Variants in PRKD2 observed in about 807,000 individuals in gnomAD.
PRKD2 encodes protein kinase D2.
A neutral mutation model predicts 86.0 loss-of-function variants in PRKD2; 22 were observed. The ratio of observed to expected loss-of-function variants is 0.26; its 90% CI spans 0.18 to 0.37. The LOEUF (loss-of-function observed/expected upper bound fraction) is 0.37, where lower values mean the gene tolerates loss of function less well. Ranked by LOEUF, PRKD2 falls within the 10% of genes least tolerant of loss-of-function variation. The pLI is 1.00. For missense variants in PRKD2, 818 were observed against 1,199.2 expected (o/e 0.68, Z 4.70); for synonymous variants, 509 against 510.9 (o/e 1.00, Z 0.05).
chr19:46,702,265 C>A (rs950912936), intron 5 of PRKD2, among the ~76,000 whole-genome samples: 4 of 151,918 alleles, frequency 2.6e-5, no homozygotes, highest in African/African-American at 9.7e-5. Context: ...GTCTTGAACT[C>A]CTGGGCTCAA....
chr19:46,689,730 G>T (rs755938439), intron 13 of PRKD2, 32 bp from the exon 14 acceptor site: 1 of 1,612,750 alleles, frequency 6.2e-7, no homozygotes, highest in Non-Finnish European at 8.5e-7. Context: ...CAGGGCCCAG[G>T]TAACCCACAA....
At chr19:46,694,189 G>C (rs1419582287) in intron 9 of PRKD2, 56 bp from the exon 10 acceptor site, 7 of 1,589,916 alleles carry the variant, frequency 4.4e-6, no homozygotes, top group Non-Finnish European at 6.0e-6. Flanking sequence ...TGGAATTCTA[G>C]TGCTTACCCA....
intron 15 of PRKD2, among the ~76,000 whole-genome samples, chr19:46,680,964 G>T (rs368239365): frequency 0.1 from 2,345 of 23,498 alleles, 38 homozygotes; most frequent in Non-Finnish European, 0.15. Context: ...TTTTTTTTTT[G>T]AGACAGAGTC....
chr19:46,692,755 G>A (rs1341383641), intron 10 of PRKD2, among the ~76,000 whole-genome samples: 1 of 152,030 alleles, frequency 6.6e-6, no homozygotes, highest in African/African-American at 2.4e-5. Context: ...CTCCTTGCTC[G>A]GCCTCAAATA....
At chr19:46,701,251 G>T in intron 5 of PRKD2, 139 bp from the exon 6 acceptor site, 1 of 912,828 alleles carries the variant, frequency 1.1e-6, no homozygotes, top group Non-Finnish European at 1.7e-6. Flanking sequence ...CTGCTGCCCT[G>T]GTCATTTTCC....
intron 15 of PRKD2, 92 bp downstream of exon 15, chr19:46,681,558 C>T (rs907775469): frequency 4.2e-6 from 4 of 942,686 alleles, no homozygotes; most frequent in Admixed American, 2.1e-5. Flanking sequence ...GCCTCGCCCC[C>T]ACATCTTGAT....
chr19:46,680,946 A>ATATATATATATATTTTTTTT, intron 15 of PRKD2, among the ~76,000 whole-genome samples: 36 of 48,220 alleles, frequency 7.5e-4, no homozygotes, highest in Non-Finnish European at 1.2e-3. Flanking sequence ...ATATATATAT[A>ATATATATATATATTTTTTTT]TTTTTTTTTT....
intron 14 of PRKD2, among the ~76,000 whole-genome samples, chr19:46,682,792 C>A (rs2053328397): frequency 6.7e-6 from 1 of 149,598 alleles, no homozygotes; most frequent in African/African-American, 2.5e-5. Context: ...TGCACCTCGA[C>A]CTCCCAGGCT....
At chr19:46,714,288 G>C in intron 1 of PRKD2, 1 of 1,190,670 alleles carries the variant, frequency 8.4e-7, no homozygotes, top group Non-Finnish European at 1.1e-6. Flanking sequence ...CGAATTTTCC[G>C]GAACCTGGCG....
intron 10 of PRKD2, among the ~76,000 whole-genome samples, chr19:46,692,227 T>A (rs1342204824): frequency 6.6e-6 from 1 of 151,946 alleles, no homozygotes; most frequent in African/African-American, 2.4e-5. Context: ...ATGTGCTGAG[T>A]GGCTAAAGGA....
intron 15 of PRKD2, among the ~76,000 whole-genome samples, chr19:46,679,277 C>T (rs2053260110): frequency 1.3e-5 from 2 of 152,092 alleles, no homozygotes; most frequent in South Asian, 4.1e-4. Context: ...TTGCAGTGAG[C>T]CGAGATCGCA....
At chr19:46,681,420 AT>A (rs979568657) in intron 15 of PRKD2, among the ~76,000 whole-genome samples, 12 of 146,502 alleles carry the variant, frequency 8.2e-5, no homozygotes, top group Non-Finnish European at 9.1e-5. Flanking sequence ...ATTCCCGGCT[AT>A]TTTTTTTTTC....
intron 15 of PRKD2, among the ~76,000 whole-genome samples, chr19:46,679,169 C>A (rs947458053): frequency 6.6e-6 from 1 of 151,870 alleles, no homozygotes; most frequent in Non-Finnish European, 1.5e-5. Context: ...ACGATGAAAC[C>A]CCATCTCTAC....
rs1197173926 is a variant in PRKD2, at chr19:46,693,887, G to A, written c.1564C>T (p.His522Tyr). 3 of 1,600,702 alleles carry A rather than the reference G, an allele frequency of 1.9e-6. No individual in the cohort carries two copies. Among genetic ancestry groups the A allele is most frequent in the Non-Finnish European group, 2.6e-6 (3 of 1,174,376 alleles). The change falls in exon 10 of 18, where the codon CAC (histidine) becomes TAC (tyrosine). Residue 522 changes from histidine (H) to tyrosine (Y), a missense_variant. Physicochemically the swap from His to Tyr is moderately conservative, Grantham distance 83. This residue lies in a region of PRKD2 where 154 missense variants were observed against 359.6 expected (regional missense o/e 0.43). Transcript: ENST00000291281. The surrounding 1 kb of genome is among the most constrained non-coding windows in gnomAD (Gnocchi z 4.5). Reference protein sequence around the residue: ...ILQDAPSAPGHAPHRQASLSI... With the variant: ...ILQDAPSAPGYAPHRQASLSI... Reference sequence around the variant, plus strand: ...TGGGAGGACTTACTGTGGGGCGCGTGGCCTGGGGCGCTGGGTGCGTCCTGA... The same window carrying A: ...TGGGAGGACTTACTGTGGGGCGCGTAGCCTGGGGCGCTGGGTGCGTCCTGA...
intron 1 of PRKD2, chr19:46,714,364 G>T (rs561505817): frequency 2.1e-6 from 2 of 945,770 alleles, no homozygotes; most frequent in South Asian, 4.2e-5. Flanking sequence ...TCACACACCC[G>T]CCCCCCAGCT....
chr19:46,680,942 ATATAT>A (rs1192828813), intron 15 of PRKD2, among the ~76,000 whole-genome samples: 5 of 48,176 alleles, frequency 1.0e-4, no homozygotes, highest in African/African-American at 3.4e-4. Flanking sequence ...ATATATATAT[ATATAT>A]TTTTTTTTTT....
At chr19:46,705,276 TAG>T in intron 3 of PRKD2, among the ~76,000 whole-genome samples, 1 of 152,220 alleles carries the variant, frequency 6.6e-6, no homozygotes, top group Non-Finnish European at 1.5e-5. Context: ...TCCATCTCCC[TAG>T]AGACACCTGT....
chr19:46,702,940 T>C (rs1361305578), intron 5 of PRKD2, among the ~76,000 whole-genome samples: 3 of 152,026 alleles, frequency 2.0e-5, no homozygotes, highest in South Asian at 2.1e-4. Context: ...CCACCTACCT[T>C]GGCCTCCCAA....
At chr19:46,708,012 C>T (rs568027750) in intron 3 of PRKD2, among the ~76,000 whole-genome samples, 14 of 151,770 alleles carry the variant, frequency 9.2e-5, no homozygotes, top group African/African-American at 3.4e-4. Context: ...GCAGGAGAAT[C>T]GCTTGAGCCT....
Sources: allele counts gnomAD v4.1 joint callset (sites outside exome capture counted in the v4.1 genomes callset), GRCh38; gene constraint gnomAD v4.1.1; regional missense constraint gnomAD v4.1.1; non-coding constraint Gnocchi (gnomAD v3.1); transcripts MANE v1.5; gene names NCBI Gene and HGNC (gene_info 2026-07-23, HGNC 2026-07-21).